Variants in DYNC1LI1 observed in about 807,000 individuals in gnomAD.
The protein encoded by DYNC1LI1 is cytoplasmic dynein 1 light intermediate chain 1.
In DYNC1LI1, 19 loss-of-function variants were observed where a neutral mutation model predicts 63.8. That is an observed-to-expected ratio of 0.30 (90% CI 0.21 to 0.44). The LOEUF (loss-of-function observed/expected upper bound fraction) is 0.44, where lower values mean the gene tolerates loss of function less well. DYNC1LI1 is among the 20% of genes least tolerant of loss of function. DYNC1LI1 has a pLI of 1.00. For missense variants in DYNC1LI1, 565 were observed against 630.2 expected (o/e 0.90, Z 1.11); for synonymous variants, 225 against 232.3 (o/e 0.97, Z 0.28).
At chr3:32,528,331 C>A (rs528728986) in intron 12 of DYNC1LI1, 115 bp downstream of exon 12, 144 of 1,152,848 alleles carry the variant, frequency 1.2e-4, no homozygotes, top group Non-Finnish European at 1.6e-4. Context: ...TGATGGCCTG[C>A]CCAACTTAGC....
intron 5 of DYNC1LI1, among the ~76,000 whole-genome samples, chr3:32,537,551 G>C (rs1023766337): frequency 1.3e-5 from 2 of 151,868 alleles, no homozygotes; most frequent in South Asian, 2.1e-4. Context: ...GTGTTTATCT[G>C]ATAATTCTCA....
chr3:32,565,084 T>C (rs1168895535), intron 2 of DYNC1LI1, among the ~76,000 whole-genome samples: 2 of 152,218 alleles, frequency 1.3e-5, no homozygotes, highest in Admixed American at 6.5e-5. Flanking sequence ...GAGAACAATA[T>C]AGCAACTTTA....
At chr3:32,563,052 T>C (rs184107745) in intron 2 of DYNC1LI1, among the ~76,000 whole-genome samples, 1 of 152,296 alleles carries the variant, frequency 6.6e-6, no homozygotes, top group East Asian at 1.9e-4. Flanking sequence ...TGATCTTTAC[T>C]ACTTTGAGTC....
At chr3:32,534,417 G>T in intron 7 of DYNC1LI1, 94 bp downstream of exon 7, 1 of 867,122 alleles carries the variant, frequency 1.2e-6, no homozygotes, top group Non-Finnish European at 1.8e-6. Flanking sequence ...ATCATGGAAG[G>T]TCTATTGGTC....
intron 12 of DYNC1LI1, among the ~76,000 whole-genome samples, chr3:32,528,196 G>C (rs577467746): frequency 7.6e-4 from 102 of 134,496 alleles, no homozygotes; most frequent in African/African-American, 2.6e-3. Flanking sequence ...AAAAACATTT[G>C]TTAAAGCCAT....
chr3:32,560,913 A>G lies in DYNC1LI1; in HGVS notation c.220+9433T>C, dbSNP rs1439612257. On this transcript the variant is annotated intron_variant, in intron 2 of 12. Coordinates refer to ENST00000273130, the MANE Select transcript of DYNC1LI1 (RefSeq NM_016141.4). ...GCTACTCATGAGGCTGAGGCAGGAT[A>G]ATCGCTTGAACAAGGGAGGTGGAGG... 5.5e-5 allele frequency among the ~76,000 whole-genome samples: 8 copies of G among 146,068 alleles called. No homozygotes were observed. In the Admixed American group the frequency reaches 5.5e-4, roughly 10 times the overall value.
chr3:32,556,917 C>T (rs942272691), intron 2 of DYNC1LI1, among the ~76,000 whole-genome samples: 1 of 152,158 alleles, frequency 6.6e-6, no homozygotes, highest in African/African-American at 2.4e-5. Context: ...TGGCCATTTA[C>T]CACAATCTAT....
intron 2 of DYNC1LI1, among the ~76,000 whole-genome samples, chr3:32,547,564 G>T (rs1263520688): frequency 6.6e-6 from 1 of 152,034 alleles, no homozygotes; most frequent in Admixed American, 6.6e-5. Context: ...ATCCTACTGG[G>T]GCCAAGGTGA....
chr3:32,548,453 T>C (rs1187159742), intron 2 of DYNC1LI1, among the ~76,000 whole-genome samples: 1 of 152,162 alleles, frequency 6.6e-6, no homozygotes, highest in Non-Finnish European at 1.5e-5. Context: ...CCAAAAAGAC[T>C]GGGGACTGCT....
At chr3:32,559,503 T>G (rs1247661045) in intron 2 of DYNC1LI1, among the ~76,000 whole-genome samples, 1 of 152,112 alleles carries the variant, frequency 6.6e-6, no homozygotes, top group Non-Finnish European at 1.5e-5. Flanking sequence ...CCTCCCAAAA[T>G]GCTGAGATTA....
intron 8 of DYNC1LI1, chr3:32,530,859 G>A: frequency 4.5e-6 from 1 of 224,300 alleles, no homozygotes; most frequent in South Asian, 8.1e-5. Context: ...GAGGCAAGTG[G>A]CTACCGTATT....
chr3:32,553,565 A>G (rs1049116022), intron 2 of DYNC1LI1, among the ~76,000 whole-genome samples: 2 of 152,210 alleles, frequency 1.3e-5, no homozygotes, highest in African/African-American at 4.8e-5. Flanking sequence ...TCCACACAAT[A>G]AATATTAAAG....
chr3:32,530,169 G>T, intron 10 of DYNC1LI1, 115 bp downstream of exon 10: 1 of 860,826 alleles, frequency 1.2e-6, no homozygotes, highest in Non-Finnish European at 1.8e-6. Context: ...GAAGAATTCT[G>T]AATTCAAGTT....
intron 2 of DYNC1LI1, among the ~76,000 whole-genome samples, chr3:32,549,211 G>GCATTTAATTTATAAGTA (rs1168149935): frequency 6.6e-6 from 1 of 151,044 alleles, no homozygotes; most frequent in Non-Finnish European, 1.5e-5. Flanking sequence ...AGTTTCTACG[G>GCATTTAATTTATAAGTA]CATTTAATTT....
At chr3:32,539,222 C>A (rs180844365) in intron 5 of DYNC1LI1, among the ~76,000 whole-genome samples, 49 of 152,218 alleles carry the variant, frequency 3.2e-4, no homozygotes, top group Admixed American at 4.6e-4. Context: ...CCAAAACCAC[C>A]ATTTGAAAGC....
chr3:32,537,824 C>A (rs1474540129), intron 5 of DYNC1LI1, among the ~76,000 whole-genome samples: 1 of 130,930 alleles, frequency 7.6e-6, no homozygotes, highest in Non-Finnish European at 1.5e-5. Context: ...ATGGTCATTA[C>A]ACCTAATATT....
intron 11 of DYNC1LI1, among the ~76,000 whole-genome samples, chr3:32,528,964 A>C (rs1484179793): frequency 1.3e-5 from 2 of 152,222 alleles, no homozygotes; most frequent in African/African-American, 4.8e-5. Flanking sequence ...AAACCGGTAG[A>C]AGTTGCCAGA....
At chr3:32,563,317 G>C (rs1238249447) in intron 2 of DYNC1LI1, among the ~76,000 whole-genome samples, 1 of 142,560 alleles carries the variant, frequency 7.0e-6, no homozygotes, top group East Asian at 2.1e-4. Context: ...TTGAGATGGA[G>C]TCTTGCTTGG....
intron 5 of DYNC1LI1, among the ~76,000 whole-genome samples, chr3:32,538,558 G>A (rs637364): frequency 0.25 from 37,572 of 151,798 alleles, 4,873 homozygotes; most frequent in African/African-American, 0.28. Context: ...AAAATTAGCC[G>A]GCCATGGTGG....
Sources: gnomAD v4.1 joint callset for allele counts (sites outside exome capture counted in the v4.1 genomes callset) on GRCh38, gnomAD v4.1.1 for gene constraint, MANE v1.5 for transcripts, NCBI Gene and HGNC (gene_info 2026-07-23, HGNC 2026-07-21) for gene names.